The following SLC24A3 variants were observed in gnomAD, a reference collection of about 807,000 sequenced individuals.
The protein encoded by SLC24A3 is solute carrier family 24 member 3, also known as sodium/potassium/calcium exchanger 3.
SLC24A3 carries 28 observed loss-of-function variants against 75.8 expected under a neutral mutation model. The observed-to-expected ratio is 0.37, with a 90% confidence interval of 0.27 to 0.51. The LOEUF (loss-of-function observed/expected upper bound fraction) is 0.51. Ranked by LOEUF, SLC24A3 falls within the 20% of genes least tolerant of loss-of-function variation. The pLI, the probability that SLC24A3 is intolerant of heterozygous loss-of-function variation, is 0.94. For synonymous variants in SLC24A3, 372 were observed against 334.1 expected, an observed-to-expected ratio of 1.11 and a Z score of -1.24; for missense variants, 663 against 847.8, an observed-to-expected ratio of 0.78 and a Z score of 2.71.
intron 2 of SLC24A3, among the ~76,000 whole-genome samples, chr20:19,452,996 A>C: frequency 6.6e-6 from 1 of 152,208 alleles, no homozygotes; most frequent in Non-Finnish European, 1.5e-5. Context: ...AGCGTGGCCA[A>C]GATGGTGAAA....
In SLC24A3 at chr20:19,523,451, A is replaced by C. The variant is rs139398863; in HGVS notation, c.348+7887A>C. On this transcript the variant is annotated intron_variant, in intron 3 of 16. Transcript: ENST00000328041. Reference sequence around the variant, plus strand: ...AAACTGGTGTCCAGAGAGGATTAGCACAAAGAGAGTAAATTATGTTTCCAT... The same window carrying C: ...AAACTGGTGTCCAGAGAGGATTAGCCCAAAGAGAGTAAATTATGTTTCCAT... 2.0e-4 allele frequency among the ~76,000 whole-genome samples: 30 copies of C among 152,374 alleles called. No individual in the cohort carries two copies. In the East Asian group the frequency reaches 5.4e-3, roughly 27 times the overall value.
chr20:19,409,427 G>T (rs928498914), intron 2 of SLC24A3, among the ~76,000 whole-genome samples: 12 of 152,186 alleles, frequency 7.9e-5, no homozygotes, highest in African/African-American at 2.9e-4. Flanking sequence ...TGGAGAGTAT[G>T]CATGACCTGA....
At chr20:19,661,672 A>T (rs996937107) in intron 7 of SLC24A3, among the ~76,000 whole-genome samples, 1 of 152,202 alleles carries the variant, frequency 6.6e-6, no homozygotes, top group Non-Finnish European at 1.5e-5. Context: ...CATGCTATGA[A>T]GTCTTAGCTT....
At chr20:19,230,210 A>G (rs182559919) in intron 1 of SLC24A3, among the ~76,000 whole-genome samples, 5 of 151,642 alleles carry the variant, frequency 3.3e-5, no homozygotes, top group Admixed American at 2.6e-4. Context: ...CGCCCTCACC[A>G]CTCTCACCTG....
chr20:19,604,794 CCT>C (rs2031574560), intron 6 of SLC24A3, among the ~76,000 whole-genome samples: 2 of 152,184 alleles, frequency 1.3e-5, no homozygotes, highest in Admixed American at 6.5e-5. Context: ...TGCCTACCCT[CCT>C]CTCTCAGGAG....
chr20:19,418,281 A>AC lies in SLC24A3; in HGVS notation c.272-97204dup, dbSNP rs1229158400. Among the ~76,000 whole-genome samples, 3 of 152,170 alleles carry AC rather than the reference A, an allele frequency of 2.0e-5. No homozygotes were observed. In the East Asian group the frequency reaches 5.8e-4, roughly 29 times the overall value. On this transcript the variant is annotated intron_variant, in intron 2 of 16. Coordinates refer to ENST00000328041, the MANE Select transcript of SLC24A3 (RefSeq NM_020689.4). ...CTTCAGGTCTAGGAGAAGTTGTTGC[A>AC]CCCATGGAACAAGAACAGCATGCTG... is the stretch of plus-strand genomic sequence containing the variant.
At chr20:19,261,693 A>G (rs1243602678) in intron 1 of SLC24A3, 1 of 152,188 alleles carries the variant, frequency 6.6e-6, no homozygotes, top group Non-Finnish European at 1.5e-5. Context: ...TTGCTCATAT[A>G]TGGAACAGTC....
At chr20:19,309,676 G>A (rs1984410394) in intron 2 of SLC24A3, among the ~76,000 whole-genome samples, 2 of 152,290 alleles carry the variant, frequency 1.3e-5, no homozygotes, top group South Asian at 4.1e-4. Context: ...GAAGGATGAG[G>A]GGTTCTAAGC....
At chr20:19,283,688 C>T (rs2122227154) in intron 2 of SLC24A3, among the ~76,000 whole-genome samples, 1 of 152,294 alleles carries the variant, frequency 6.6e-6, no homozygotes, top group Non-Finnish European at 1.5e-5. Context: ...TGGACTTTGG[C>T]CAAATAGCCA....
At chr20:19,517,574 C>T (rs1008360901) in intron 3 of SLC24A3, among the ~76,000 whole-genome samples, 26 of 152,226 alleles carry the variant, frequency 1.7e-4, no homozygotes, top group Non-Finnish European at 3.1e-4. Flanking sequence ...TACATGTTAG[C>T]ACTTCGTAAT....
intron 3 of SLC24A3, among the ~76,000 whole-genome samples, chr20:19,532,885 T>C (rs766413924): frequency 1.3e-5 from 2 of 152,188 alleles, no homozygotes; most frequent in Non-Finnish European, 2.9e-5. Flanking sequence ...CTGATTGGGA[T>C]GTCATTCAAG....
chr20:19,360,939 G>T (rs996154335), intron 2 of SLC24A3, among the ~76,000 whole-genome samples: 1 of 151,916 alleles, frequency 6.6e-6, no homozygotes, highest in Non-Finnish European at 1.5e-5. Context: ...CCGTTCTCCT[G>T]CCTCAGCCTC....
chr20:19,664,119 T>C (rs2032370359), intron 7 of SLC24A3, among the ~76,000 whole-genome samples: 1 of 152,206 alleles, frequency 6.6e-6, no homozygotes, highest in South Asian at 2.1e-4. Flanking sequence ...TGGCTACAAA[T>C]TGATTGTTCC....
intron 2 of SLC24A3, among the ~76,000 whole-genome samples, chr20:19,465,575 T>C (rs1209724197): frequency 6.6e-6 from 1 of 152,110 alleles, no homozygotes; most frequent in Non-Finnish European, 1.5e-5. Context: ...TAGAACAGGA[T>C]CCATGTGATC....
intron 2 of SLC24A3, among the ~76,000 whole-genome samples, chr20:19,364,497 C>T (rs7267895): frequency 0.094 from 14,167 of 151,340 alleles, 1,657 homozygotes; most frequent in African/African-American, 0.28. Context: ...ACTCTGTCAC[C>T]CAGGCTGGAG....
At chr20:19,264,815 A>G (rs1366905204) in intron 1 of SLC24A3, among the ~76,000 whole-genome samples, 1 of 151,970 alleles carries the variant, frequency 6.6e-6, no homozygotes, top group Non-Finnish European at 1.5e-5. Flanking sequence ...CTAGTGAGGA[A>G]CGGAAGCCAC....
At chr20:19,688,456 A>G (rs1299588384) in intron 12 of SLC24A3, among the ~76,000 whole-genome samples, 1 of 152,234 alleles carries the variant, frequency 6.6e-6, no homozygotes. Context: ...ATTTTAAGGC[A>G]AGGGGACTGA....
intron 1 of SLC24A3, among the ~76,000 whole-genome samples, chr20:19,219,569 TG>T (rs796523770): frequency 3.0e-4 from 45 of 152,038 alleles, no homozygotes; most frequent in African/African-American, 1.1e-3. Context: ...GAGGAGGCTG[TG>T]GTGGTCAGGA....
chr20:19,436,489 C>T (rs1400237580), intron 2 of SLC24A3, among the ~76,000 whole-genome samples: 6 of 152,226 alleles, frequency 3.9e-5, no homozygotes, highest in Admixed American at 3.9e-4. Flanking sequence ...GGGATATCTT[C>T]CCCACCTCAA....
Sources: allele counts gnomAD v4.1 joint callset (sites outside exome capture counted in the v4.1 genomes callset), GRCh38; gene constraint gnomAD v4.1.1; transcripts MANE v1.5; gene names NCBI Gene and HGNC (gene_info 2026-07-23, HGNC 2026-07-21).